CLDN20: variants seen among roughly 807,000 people sequenced by gnomAD.
CLDN20 encodes claudin 20.
For missense variants in CLDN20, 258 were observed against 267.9 expected, an observed-to-expected ratio of 0.96 and a Z score of 0.26; for synonymous variants, 104 against 103.6, an observed-to-expected ratio of 1.00 and a Z score of -0.03.
chr6:155,268,639 G>A (rs9384305), intron 1 of CLDN20, among the ~76,000 whole-genome samples: 98,467 of 151,934 alleles, frequency 0.65, 32,595 homozygotes, highest in East Asian at 0.98. Flanking sequence ...AACATGATCT[G>A]TGACCTTACC....
At chr6:155,275,538 T>C (rs1785148283) in intron 1 of CLDN20, 78 bp from the exon 2 acceptor site, 5 of 624,762 alleles carry the variant, frequency 8.0e-6, no homozygotes, top group Non-Finnish European at 1.4e-5. Context: ...AGATGTGTTC[T>C]TGGCTCCTAC....
intron 1 of CLDN20, among the ~76,000 whole-genome samples, chr6:155,273,588 A>G (rs1785038908): frequency 6.6e-6 from 1 of 152,142 alleles, no homozygotes; most frequent in Admixed American, 6.6e-5. Flanking sequence ...TGGGTGAAGT[A>G]GACAGTTAAT....
At chr6:155,266,013 A>T (rs1309926726) in intron 1 of CLDN20, among the ~76,000 whole-genome samples, 1 of 151,856 alleles carries the variant, frequency 6.6e-6, no homozygotes, top group Non-Finnish European at 1.5e-5. Context: ...CTTATATTCT[A>T]GCTGAGCCGG....
Position 155,264,194 on chromosome 6 carries a change from A to C in CLDN20, c.-199A>C, listed in dbSNP as rs1244054304. 1 of 152,012 alleles carries C rather than the reference A, an allele frequency of 6.6e-6. No individual in the cohort carries two copies. Among genetic ancestry groups the C allele is most frequent in the Non-Finnish European group, 1.5e-5 (1 of 68,000 alleles). The allele number at this position is 152,012 out of a possible 1,614,324, so 9.4% of individuals were successfully genotyped here. A position where few individuals can be genotyped will look rare whatever the true frequency, so the allele number is the denominator to read the frequency against. On this transcript the variant is annotated 5_prime_UTR_variant, in exon 1 of 2. Coordinates refer to ENST00000367165, the MANE Select transcript of CLDN20 (RefSeq NM_001001346.3). ...GTGCCTCCGGATGCTTGGTTTCCCC[A>C]CCCTCCAGTGTCTGCTTGCTCTTCA...
chr6:155,268,918 C>T (rs71575025), intron 1 of CLDN20, among the ~76,000 whole-genome samples: 1 of 141,804 alleles, frequency 7.1e-6, no homozygotes, highest in Admixed American at 7.3e-5. Flanking sequence ...AAATCCCCCT[C>T]TGCGAGAAAC....
intron 1 of CLDN20, among the ~76,000 whole-genome samples, chr6:155,265,684 TGA>T: frequency 6.8e-6 from 1 of 146,938 alleles, no homozygotes; most frequent in South Asian, 2.1e-4. Context: ...TATATATATA[TGA>T]GTTTATTAAA....
At chr6:155,269,329 T>TTC (rs943191942) in intron 1 of CLDN20, among the ~76,000 whole-genome samples, 2 of 146,988 alleles carry the variant, frequency 1.4e-5, no homozygotes, top group African/African-American at 5.0e-5. Flanking sequence ...CTTTTCTTTT[T>TTC]TTTTTTTTTT....
At chr6:155,266,603 T>G (rs1784642664) in intron 1 of CLDN20, among the ~76,000 whole-genome samples, 1 of 151,842 alleles carries the variant, frequency 6.6e-6, no homozygotes, top group Non-Finnish European at 1.5e-5. Flanking sequence ...TCCCAGCACT[T>G]TGGAAGGCCA....
chr6:155,269,600 G>T (rs1475176351), intron 1 of CLDN20, among the ~76,000 whole-genome samples: 2 of 152,062 alleles, frequency 1.3e-5, no homozygotes, highest in Non-Finnish European at 2.9e-5. Context: ...GGGATTACAG[G>T]TGTGAGCCAC....
Position 155,276,311 on chromosome 6 carries a change from A to G in CLDN20, c.592A>G (p.Thr198Ala). The G allele has an allele frequency of 6.2e-7, 1 of 1,613,882 alleles. No homozygotes were observed. The highest frequency in any genetic ancestry group is 8.5e-7 in the Non-Finnish European group (1 of 1,180,028). Residue 198 changes from threonine to alanine, a missense_variant, in exon 2 of 2, where the codon ACA (threonine) becomes GCA (alanine). Physicochemically the swap from Thr to Ala is moderately conservative, Grantham distance 58. Coordinates refer to ENST00000367165, the MANE Select transcript of CLDN20 (RefSeq NM_001001346.3). The stretch of plus-strand genomic sequence containing the variant: ...TCCAGAAGCTAGACTCGACCCACCC[A>G]CACAGCAGCCTATCTCTAACACACA... ...RNPEARLDPP[T>A]QQPISNTQLE...
At chr6:155,266,180 C>T (rs1280622076) in intron 1 of CLDN20, among the ~76,000 whole-genome samples, 1 of 152,056 alleles carries the variant, frequency 6.6e-6, no homozygotes, top group Non-Finnish European at 1.5e-5. Flanking sequence ...TCAGTGTTAA[C>T]CATCACAACA....
intron 1 of CLDN20, among the ~76,000 whole-genome samples, chr6:155,266,696 A>C (rs905564076): frequency 6.6e-6 from 1 of 151,612 alleles, no homozygotes; most frequent in African/African-American, 2.4e-5. Context: ...AAATACAAAA[A>C]ATTAGCCAGG....
chr6:155,274,493 T>C (rs376669597), intron 1 of CLDN20, among the ~76,000 whole-genome samples: 29 of 152,376 alleles, frequency 1.9e-4, no homozygotes, highest in African/African-American at 6.3e-4. Flanking sequence ...ATTTCTGGTA[T>C]GTATTTTTGA....
At chr6:155,271,193 T>C (rs1324688614) in intron 1 of CLDN20, among the ~76,000 whole-genome samples, 2 of 152,190 alleles carry the variant, frequency 1.3e-5, no homozygotes, top group South Asian at 4.1e-4. Context: ...AAAAATCCAA[T>C]AATAAAATTA....
Position 155,275,798 on chromosome 6 carries a change from C to T in CLDN20, c.79C>T (p.Leu27=). ...GVSGVLTATL[L]PNWKVNVDVD... is the part of the protein sequence containing the mutation. ...CTCTGGAGTGCTCACAGCCACTCTG[C>T]TGCCCAACTGGAAGGTGAATGTGGA... is the stretch of plus-strand genomic sequence containing the variant. The change falls in exon 2 of 2, where the codon CTG becomes TTG. Residue 27 remains leucine (L), a synonymous_variant. Transcript: ENST00000367165. The T allele has an allele frequency of 6.2e-7, 1 of 1,614,132 alleles. No individual in the cohort carries two copies. Among genetic ancestry groups the T allele is most frequent in the African/African-American group, 1.3e-5 (1 of 75,036 alleles).
At chr6:155,268,053 C>T (rs1346449627) in intron 1 of CLDN20, among the ~76,000 whole-genome samples, 12 of 152,108 alleles carry the variant, frequency 7.9e-5, no homozygotes, top group Non-Finnish European at 4.4e-5. Context: ...CCGAAGATGC[C>T]CTTGACTACA....
At chr6:155,269,414 T>G (rs1026008250) in intron 1 of CLDN20, among the ~76,000 whole-genome samples, 1 of 151,202 alleles carries the variant, frequency 6.6e-6, no homozygotes, top group African/African-American at 2.4e-5. Context: ...TTCCGTCTGC[T>G]GGGTTCAAGC....
chr6:155,275,791 C>T lies in CLDN20; in HGVS notation c.72C>T (p.Ala24=), dbSNP rs1785165579. Residue 24 remains alanine (A), a synonymous_variant, in exon 2 of 2, where the codon GCC becomes GCT. Transcript: ENST00000367165. ...ALSGVSGVLT[A]TLLPNWKVNV... is the part of the protein sequence containing the mutation. ...CTGGGGTCTCTGGAGTGCTCACAGC[C>T]ACTCTGCTGCCCAACTGGAAGGTGA... 1.9e-6 allele frequency: 3 copies of T among 1,614,106 alleles called. 1 individual carries two copies. The highest frequency in any genetic ancestry group is 3.3e-5 in the Admixed American group (2 of 60,016).
At chr6:155,271,367 C>T (rs898236486) in intron 1 of CLDN20, among the ~76,000 whole-genome samples, 1 of 152,130 alleles carries the variant, frequency 6.6e-6, no homozygotes, top group African/African-American at 2.4e-5. Flanking sequence ...TGTGTCTCAT[C>T]ACATCATTTT....
Sources: allele counts gnomAD v4.1 joint callset (sites outside exome capture counted in the v4.1 genomes callset), GRCh38; gene constraint gnomAD v4.1.1; transcripts MANE v1.5; gene names NCBI Gene and HGNC (gene_info 2026-07-23, HGNC 2026-07-21).